ROBO1: variants seen among roughly 807,000 people sequenced by gnomAD.
ROBO1 encodes the protein roundabout homolog 1.
In ROBO1, 149 loss-of-function variants were observed where a neutral mutation model predicts 195.9. The ratio of observed to expected loss-of-function variants is 0.76; its 90% CI spans 0.67 to 0.87. ROBO1 has a LOEUF of 0.87. Among genes scored for constraint, ROBO1 ranks in the 40% least tolerant of loss-of-function variants. The pLI, the probability that ROBO1 is intolerant of heterozygous loss-of-function variation, is 0.00. For synonymous variants in ROBO1, 816 were observed against 733.2 expected (o/e 1.11, Z -1.82); for missense variants, 1,933 against 2,068.3 (o/e 0.93, Z 1.27).
At chr3:79,574,740 A>T (rs1943394927) in intron 2 of ROBO1, among the ~76,000 whole-genome samples, 2 of 151,994 alleles carry the variant, frequency 1.3e-5, no homozygotes, top group East Asian at 3.9e-4. Flanking sequence ...GGTTTACCAT[A>T]TAATAAATTT....
chr3:79,397,372 A>G (rs1302378740), intron 2 of ROBO1, among the ~76,000 whole-genome samples: 1 of 152,054 alleles, frequency 6.6e-6, no homozygotes, highest in Non-Finnish European at 1.5e-5. Context: ...TGCAATGATC[A>G]ATACATTTTT....
At chr3:79,714,198 G>A (rs1055954613) in intron 1 of ROBO1, among the ~76,000 whole-genome samples, 1 of 152,064 alleles carries the variant, frequency 6.6e-6, no homozygotes, top group African/African-American at 2.4e-5. Flanking sequence ...GATATGAACA[G>A]ACACTTCTCA....
rs193137179 is a variant in ROBO1, at chr3:79,633,907, T to G, written c.-50-43946A>C. Among the ~76,000 whole-genome samples, 288 of 152,224 alleles carry G rather than the reference T, an allele frequency of 1.9e-3. 3 individuals are homozygous for G. The highest frequency in any genetic ancestry group is 6.5e-3 in the African/African-American group (272 of 41,550). ...ATAATCTGATTGTAGCTGGCAATTC[T>G]GAAGGACAGGACCTGCAGCAGACAC... is the stretch of plus-strand genomic sequence containing the variant. On this transcript the variant is annotated intron_variant, in intron 1 of 30. Transcript: ENST00000464233.
intron 2 of ROBO1, among the ~76,000 whole-genome samples, chr3:79,490,099 C>T (rs887902034): frequency 1.3e-5 from 2 of 152,160 alleles, no homozygotes; most frequent in Admixed American, 6.5e-5. Context: ...ATAAATTCCT[C>T]GTCTCTGTAC....
At chr3:79,502,071 A>G (rs1940101576) in intron 2 of ROBO1, among the ~76,000 whole-genome samples, 2 of 152,202 alleles carry the variant, frequency 1.3e-5, no homozygotes, top group Admixed American at 6.5e-5. Flanking sequence ...ACAGGAATAC[A>G]AAGTGAGAGG....
Position 78,670,120 on chromosome 3 carries a change from T to A in ROBO1, c.1524A>T (p.Gly508=). 6.2e-7 allele frequency: 1 copy of A among 1,613,416 alleles called. No individual in the cohort carries two copies. The highest frequency in any genetic ancestry group is 8.5e-7 in the Non-Finnish European group (1 of 1,179,608). The part of the protein sequence containing the change: ...QDSRIKQLEN[G]VLQIRYAKLG... ...CCTTAGCATATCGGATCTGCAGTAC[T>A]CCATTCTCCAACTGTTTGATTCGAG... The change falls in exon 11 of 31, where the codon GGA becomes GGT. Residue 508 remains glycine, a synonymous_variant. Coordinates refer to ENST00000464233, the MANE Select transcript of ROBO1 (RefSeq NM_002941.4).
chr3:79,766,667 C>T (rs983757917), intron 1 of ROBO1, among the ~76,000 whole-genome samples: 1 of 152,226 alleles, frequency 6.6e-6, no homozygotes, highest in East Asian at 2.0e-4. Context: ...CTGCTTCTCC[C>T]CATTGTGTTC....
At chr3:78,607,627 A>G (rs953169157) in intron 28 of ROBO1, among the ~76,000 whole-genome samples, 2 of 152,300 alleles carry the variant, frequency 1.3e-5, no homozygotes, top group Non-Finnish European at 2.9e-5. Flanking sequence ...TTGTACTGTA[A>G]CTTTCTCTCT....
chr3:79,622,415 G>A (rs1945036119), intron 1 of ROBO1, among the ~76,000 whole-genome samples: 1 of 152,192 alleles, frequency 6.6e-6, no homozygotes, highest in Non-Finnish European at 1.5e-5. Context: ...GGGACTCACA[G>A]CTGCCTAATA....
intron 3 of ROBO1, chr3:79,018,988 T>C: frequency 1.0e-6 from 1 of 989,342 alleles, no homozygotes; most frequent in Non-Finnish European, 1.2e-6. Flanking sequence ...AAGCAGCAGC[T>C]CCGGAGGAAG....
At chr3:78,941,001 C>T (rs150202190) in intron 3 of ROBO1, among the ~76,000 whole-genome samples, 1,586 of 152,252 alleles carry the variant, frequency 0.01, 35 homozygotes, top group African/African-American at 0.034. Flanking sequence ...ATAACTAATA[C>T]GTATACATTC....
At chr3:79,075,072 G>C (rs561248662) in intron 3 of ROBO1, among the ~76,000 whole-genome samples, 1 of 151,912 alleles carries the variant, frequency 6.6e-6, no homozygotes, top group South Asian at 2.1e-4. Flanking sequence ...AGTAACCAAG[G>C]AAGAAGTTAG....
chr3:79,549,027 C>T (rs1942378116), intron 2 of ROBO1, among the ~76,000 whole-genome samples: 1 of 152,014 alleles, frequency 6.6e-6, no homozygotes, highest in Non-Finnish European at 1.5e-5. Context: ...CTGAATTGTT[C>T]CTTCAAGGGA....
chr3:79,019,145 G>C (rs2078039219), intron 3 of ROBO1: 3 of 986,304 alleles, frequency 3.0e-6, no homozygotes, highest in Non-Finnish European at 3.6e-6. Flanking sequence ...GCAGGACCGC[G>C]GACACTCGCA....
At chr3:79,684,567 T>C (rs1576227131) in intron 1 of ROBO1, among the ~76,000 whole-genome samples, 1 of 152,220 alleles carries the variant, frequency 6.6e-6, no homozygotes, top group South Asian at 2.1e-4. Flanking sequence ...GGAAAGGTTA[T>C]TTTGACTAAT....
At chr3:79,437,542 A>T (rs148071098) in intron 2 of ROBO1, among the ~76,000 whole-genome samples, 1,948 of 152,112 alleles carry the variant, frequency 0.013, 37 homozygotes, top group African/African-American at 0.043. Flanking sequence ...TACACAAATG[A>T]TAATCAACAA....
intron 4 of ROBO1, among the ~76,000 whole-genome samples, chr3:78,757,295 T>A (rs766209726): frequency 1.3e-5 from 2 of 152,348 alleles, no homozygotes; most frequent in Non-Finnish European, 2.9e-5. Flanking sequence ...GGTTGCACGA[T>A]GAGTGATCGA....
chr3:78,857,951 A>G (rs573725140), intron 4 of ROBO1, among the ~76,000 whole-genome samples: 2 of 152,274 alleles, frequency 1.3e-5, no homozygotes, highest in Admixed American at 1.3e-4. Flanking sequence ...CAAATCTTAC[A>G]ATGCCTCAAG....
intron 3 of ROBO1, among the ~76,000 whole-genome samples, chr3:79,018,118 T>C (rs1172749422): frequency 6.6e-6 from 1 of 151,918 alleles, no homozygotes; most frequent in East Asian, 1.9e-4. Context: ...TGCTTAGACG[T>C]GCGTTTGCCC....
Sources: gnomAD v4.1 joint callset for allele counts (sites outside exome capture counted in the v4.1 genomes callset) on GRCh38, gnomAD v4.1.1 for gene constraint, MANE v1.5 for transcripts, NCBI Gene and HGNC (gene_info 2026-07-23, HGNC 2026-07-21) for gene names.